CLASP2: variants seen among roughly 807,000 people sequenced by gnomAD.
CLASP2 encodes CLIP-associating protein 2.
In CLASP2, 47 loss-of-function variants were observed where a neutral mutation model predicts 194.4. That is an observed-to-expected ratio of 0.24 (90% CI 0.19 to 0.31). The LOEUF (loss-of-function observed/expected upper bound fraction) is 0.31. Among genes scored for constraint, CLASP2 ranks in the 10% least tolerant of loss-of-function variants. The pLI is 1.00. For synonymous variants in CLASP2, 619 were observed against 633.5 expected (o/e 0.98, Z 0.34); for missense variants, 1,445 against 1,823.6 (o/e 0.79, Z 3.78).
intron 27 of CLASP2, among the ~76,000 whole-genome samples, 179 bp downstream of exon 27, chr3:33,566,550 TTAG>T (rs1162976834): frequency 6.6e-6 from 1 of 152,214 alleles, no homozygotes; most frequent in Non-Finnish European, 1.5e-5. Flanking sequence ...ATTAGATTAA[TTAG>T]TAGATTAAAA....
In CLASP2 at chr3:33,571,021, T is replaced by G. The variant is rs12496191; in HGVS notation, c.2700-231A>C. On this transcript the variant is annotated intron_variant, in intron 25 of 38. Transcript: ENST00000682230. ...CAAGATCCTGTCTCTATAAATTTTTTTTTTTTTTTTTTGAGACGGAGTCTC... is the reference window on the plus strand; with the variant it reads ...CAAGATCCTGTCTCTATAAATTTTTGTTTTTTTTTTTTGAGACGGAGTCTC... Among the ~76,000 whole-genome samples, 828 of 143,062 alleles carry G rather than the reference T, an allele frequency of 5.8e-3. 58 individuals carry two copies. The highest frequency in any genetic ancestry group is 0.047 in the Admixed American group (628 of 13,282). The allele number at this position is 143,062 out of a possible 152,430, so 93.9% of individuals were successfully genotyped here. A position where few individuals can be genotyped will look rare whatever the true frequency, so the allele number is the denominator to read the frequency against.
At chr3:33,564,555 T>C (rs551717614) in intron 27 of CLASP2, among the ~76,000 whole-genome samples, 1 of 152,288 alleles carries the variant, frequency 6.6e-6, no homozygotes, top group Non-Finnish European at 1.5e-5. Context: ...ACATGTTATT[T>C]GCTGTACTCT....
At chr3:33,590,740 G>A (rs988058543) in intron 21 of CLASP2, among the ~76,000 whole-genome samples, 3 of 152,088 alleles carry the variant, frequency 2.0e-5, no homozygotes, top group East Asian at 1.9e-4. Context: ...TAAGACTTGC[G>A]TAATCACTAT....
intron 27 of CLASP2, among the ~76,000 whole-genome samples, chr3:33,561,196 C>A (rs1282846966): frequency 6.6e-6 from 1 of 152,182 alleles, no homozygotes; most frequent in African/African-American, 2.4e-5. Context: ...CTACTCCATG[C>A]AGCATCACTT....
chr3:33,503,561 G>A (rs1463161337), intron 37 of CLASP2: 2 of 151,822 alleles, frequency 1.3e-5, no homozygotes, highest in African/African-American at 4.8e-5. Flanking sequence ...CCACATAGCT[G>A]CGATTACAGG....
chr3:33,520,442 C>G (rs757549419), intron 34 of CLASP2, among the ~76,000 whole-genome samples: 2 of 152,168 alleles, frequency 1.3e-5, no homozygotes, highest in Non-Finnish European at 2.9e-5. Flanking sequence ...AGGAGGGTAT[C>G]CACTGGTGAA....
intron 23 of CLASP2, 89 bp from the exon 24 acceptor site, chr3:33,576,364 AGG>A: frequency 1.1e-6 from 1 of 943,194 alleles, no homozygotes; most frequent in Admixed American, 2.5e-5. Context: ...TTACAGGGGA[AGG>A]AAAAAAAACC....
At chr3:33,532,820 C>T (rs946805471) in intron 34 of CLASP2, among the ~76,000 whole-genome samples, 6 of 152,180 alleles carry the variant, frequency 3.9e-5, no homozygotes, top group African/African-American at 1.2e-4. Context: ...CCTCCTGGCT[C>T]AGCCTCCTGA....
At chr3:33,637,798 T>C (rs1438392757) in intron 8 of CLASP2, among the ~76,000 whole-genome samples, 2 of 152,218 alleles carry the variant, frequency 1.3e-5, no homozygotes, top group African/African-American at 4.8e-5. Context: ...GAAGGTAAAA[T>C]GTTGTCTTTA....
At chr3:33,613,961 CA>C (rs2075666460) in intron 12 of CLASP2, among the ~76,000 whole-genome samples, 1 of 152,176 alleles carries the variant, frequency 6.6e-6, no homozygotes, top group South Asian at 2.1e-4. Context: ...AAATTTACAT[CA>C]ATTACAGATG....
At chr3:33,542,892 GTAAT>G (rs955607448) in intron 32 of CLASP2, among the ~76,000 whole-genome samples, 2 of 152,026 alleles carry the variant, frequency 1.3e-5, no homozygotes, top group African/African-American at 4.8e-5. Flanking sequence ...GTAATAAGCA[GTAAT>G]TTATTTAAAA....
intron 29 of CLASP2, among the ~76,000 whole-genome samples, chr3:33,557,544 C>T (rs970949265): frequency 1.3e-5 from 2 of 152,048 alleles, no homozygotes; most frequent in South Asian, 4.1e-4. Flanking sequence ...GTTAACTCCA[C>T]ATACATTTCA....
At chr3:33,673,951 G>C (rs2087945516) in intron 6 of CLASP2, among the ~76,000 whole-genome samples, 1 of 152,106 alleles carries the variant, frequency 6.6e-6, no homozygotes, top group African/African-American at 2.4e-5. Context: ...AGAAAGTCCT[G>C]AGTGACCTAC....
intron 20 of CLASP2, chr3:33,592,774 C>T (rs1318799936): frequency 7.5e-6 from 3 of 401,224 alleles, no homozygotes; most frequent in Non-Finnish European, 1.4e-5. Context: ...AAGATAATCA[C>T]CATAAGCATG....
intron 21 of CLASP2, among the ~76,000 whole-genome samples, chr3:33,591,541 T>C (rs943312574): frequency 6.6e-6 from 1 of 152,114 alleles, no homozygotes; most frequent in African/African-American, 2.4e-5. Flanking sequence ...AGCCCAGGAG[T>C]TGGAGGCTGC....
At chr3:33,606,171 A>T (rs2154259724) in intron 16 of CLASP2, among the ~76,000 whole-genome samples, 1 of 152,010 alleles carries the variant, frequency 6.6e-6, no homozygotes, top group South Asian at 2.1e-4. Flanking sequence ...CCCTTGAGGG[A>T]TTTCCTGAAT....
chr3:33,635,963 A>T (rs553778126), intron 8 of CLASP2, among the ~76,000 whole-genome samples: 1 of 152,344 alleles, frequency 6.6e-6, no homozygotes, highest in South Asian at 2.1e-4. Flanking sequence ...AATGTTAACT[A>T]CAGAGCCCTT....
intron 27 of CLASP2, 70 bp downstream of exon 27, chr3:33,566,662 T>G: frequency 7.2e-6 from 3 of 417,546 alleles, no homozygotes; most frequent in Non-Finnish European, 1.4e-5. Context: ...GGAGAGAAAA[T>G]AGAGAAAAAG....
At chr3:33,672,966 C>T (rs1234978608) in intron 6 of CLASP2, among the ~76,000 whole-genome samples, 5 of 152,180 alleles carry the variant, frequency 3.3e-5, no homozygotes, top group South Asian at 2.1e-4. Flanking sequence ...CTACGTCTGA[C>T]TGGTGTACCT....
Sources: allele counts gnomAD v4.1 joint callset (sites outside exome capture counted in the v4.1 genomes callset), GRCh38; gene constraint gnomAD v4.1.1; transcripts MANE v1.5; gene names NCBI Gene and HGNC (gene_info 2026-07-23, HGNC 2026-07-21).